Variants in FKBP5 observed in about 807,000 individuals in gnomAD.
FKBP5 encodes the protein peptidyl-prolyl cis-trans isomerase FKBP5.
FKBP5 carries 23 observed loss-of-function variants against 50.5 expected under a neutral mutation model. The observed-to-expected ratio is 0.46, with a 90% CI of 0.33 to 0.65. FKBP5 has a LOEUF of 0.65. Ranked by LOEUF, FKBP5 falls within the 30% of genes least tolerant of loss-of-function variation. FKBP5 has a pLI of 0.02. For synonymous variants in FKBP5, 176 were observed against 190.6 expected (o/e 0.92, Z 0.63); for missense variants, 411 against 553.1 (o/e 0.74, Z 2.58).
At chr6:35,585,247 TAAG>T (rs1398307277) in intron 8 of FKBP5, 1 of 979,772 alleles carries the variant, frequency 1.0e-6, no homozygotes, top group Non-Finnish European at 1.2e-6. Flanking sequence ...AAAATACTGT[TAAG>T]GACTCACGAT....
chr6:35,670,740 A>G lies in FKBP5; in HGVS notation c.-20+18064T>C, dbSNP rs1013146642. ...AAGCAAGACTCCATCTCAAAAAAAAAAAAGAAAGAAAAGAAAAGAAAAGAA... is the reference window on the plus strand; with the variant it reads ...AAGCAAGACTCCATCTCAAAAAAAAGAAAGAAAGAAAAGAAAAGAAAAGAA... On this transcript the variant is annotated intron_variant, in intron 1 of 10. Transcript: ENST00000357266. Among the ~76,000 whole-genome samples the G allele has an allele frequency of 2.5e-4, 38 of 151,562 alleles. No homozygotes were observed. In the Middle Eastern group the frequency reaches 0.01, roughly 41 times the overall value.
chr6:35,631,297 G>C (rs546071847), intron 3 of FKBP5, among the ~76,000 whole-genome samples: 14 of 152,256 alleles, frequency 9.2e-5, no homozygotes, highest in African/African-American at 3.1e-4. Context: ...GAATCCCAAA[G>C]TCATTATGTT....
intron 5 of FKBP5, among the ~76,000 whole-genome samples, chr6:35,611,225 A>G (rs3777747): frequency 0.45 from 67,613 of 151,918 alleles, 15,265 homozygotes; most frequent in East Asian, 0.61. Flanking sequence ...CCTTTCCAGC[A>G]CTATTATTGA....
intron 4 of FKBP5, among the ~76,000 whole-genome samples, chr6:35,619,915 A>C (rs1374924776): frequency 1.3e-5 from 2 of 152,082 alleles, no homozygotes; most frequent in Non-Finnish European, 2.9e-5. Context: ...GTTTATTTGG[A>C]TATGACCTTT....
chr6:35,689,596 A>C (rs1765943735), upstream of FKBP5, among the ~76,000 whole-genome samples: 1 of 152,076 alleles, frequency 6.6e-6, no homozygotes, highest in Admixed American at 6.6e-5. Context: ...TAATCCCAGC[A>C]CTTTGGAAGG....
intron 9 of FKBP5, 113 bp downstream of exon 9, chr6:35,579,923 A>T: frequency 1.2e-6 from 1 of 802,558 alleles, no homozygotes; most frequent in Non-Finnish European, 1.9e-6. Context: ...CAAATAAATA[A>T]AAAAAAGCAA....
chr6:35,667,698 T>C (rs1765269828), intron 1 of FKBP5, among the ~76,000 whole-genome samples: 1 of 152,170 alleles, frequency 6.6e-6, no homozygotes, highest in African/African-American at 2.4e-5. Flanking sequence ...CTGGCCAACA[T>C]GGTGAAACCC....
chr6:35,594,920 T>C (rs866880660), intron 6 of FKBP5, among the ~76,000 whole-genome samples: 12 of 152,264 alleles, frequency 7.9e-5, no homozygotes, highest in African/African-American at 1.4e-4. Context: ...ATCTGAAAGA[T>C]TGATCTCATG....
chr6:35,720,953 G>A (rs1234083271), intron 1 of FKBP5, among the ~76,000 whole-genome samples: 1 of 152,162 alleles, frequency 6.6e-6, no homozygotes, highest in Admixed American at 6.5e-5. Context: ...GCTTAAAGTG[G>A]TAAAGTGCTA....
At chr6:35,711,542 C>T (rs901790896) in intron 2 of FKBP5, among the ~76,000 whole-genome samples, 5 of 151,264 alleles carry the variant, frequency 3.3e-5, no homozygotes, top group South Asian at 4.2e-4. Flanking sequence ...TGCTCGAACC[C>T]GGGAGGTGAA....
intron 2 of FKBP5, among the ~76,000 whole-genome samples, chr6:35,638,062 T>A (rs990822516): frequency 5.3e-5 from 8 of 152,196 alleles, no homozygotes; most frequent in African/African-American, 1.7e-4. Context: ...TGTTTTCTAG[T>A]AAAGTATTTA....
intron 1 of FKBP5, among the ~76,000 whole-genome samples, chr6:35,643,815 A>G (rs1764557894): frequency 6.6e-6 from 1 of 152,142 alleles, no homozygotes; most frequent in Non-Finnish European, 1.5e-5. Flanking sequence ...GTTGTCTGTA[A>G]GAGATTCATA....
chr6:35,634,513 G>A (rs1320361698), intron 3 of FKBP5, among the ~76,000 whole-genome samples: 6 of 152,158 alleles, frequency 3.9e-5, no homozygotes, highest in Non-Finnish European at 7.3e-5. Flanking sequence ...ACAGCTGGAC[G>A]GGAAGCAGAA....
In FKBP5 at chr6:35,649,304, C is replaced by T. The variant is rs7749607; in HGVS notation, c.-19-6461G>A. 7.2e-3 allele frequency among the ~76,000 whole-genome samples: 1,066 copies of T among 147,434 alleles called. 12 individuals are homozygous for T. Among genetic ancestry groups the T allele is most frequent in the African/African-American group, 0.023 (920 of 40,450 alleles). ...AATAATGTTTTTTATTTTACATATT[C>T]TTATCGGATTGCTCATTTTCTTAGC... On this transcript the variant is annotated intron_variant, in intron 1 of 10. Transcript: ENST00000357266.
intron 3 of FKBP5, among the ~76,000 whole-genome samples, chr6:35,635,208 G>A (rs1206868413): frequency 2.6e-5 from 4 of 152,064 alleles, no homozygotes; most frequent in African/African-American, 7.2e-5. Context: ...GGTGGTGTAC[G>A]CCTGTAGTCC....
At position 35,597,266 on chromosome 6, in the gene FKBP5, AT is replaced by A. The variant is rs1347919311; in HGVS notation, c.646del (p.Ile216PhefsTer73). The A allele has an allele frequency of 2.5e-6, 4 of 1,613,912 alleles. No individual in the cohort carries two copies. The highest frequency in any genetic ancestry group is 3.4e-6 in the Non-Finnish European group (4 of 1,179,986). On this transcript the variant is annotated frameshift_variant, in exon 6 of 11. Coordinates refer to ENST00000357266, the MANE Select transcript of FKBP5 (RefSeq NM_004117.4). LOFTEE classifies it high-confidence loss of function. ...TGCTTACCTTGGTCCAAGATATAAAATACATTGTTCTTCCCGCTGCATTTTC... is the reference window on the plus strand; with the variant it reads ...TGCTTACCTTGGTCCAAGATATAAAAACATTGTTCTTCCCGCTGCATTTTC... ...LEKMQREEQC[I>X]LYLGPRYGFG...
At chr6:35,634,252 A>G (rs1459721665) in intron 3 of FKBP5, among the ~76,000 whole-genome samples, 2 of 152,042 alleles carry the variant, frequency 1.3e-5, no homozygotes, top group East Asian at 1.9e-4. Flanking sequence ...AAGGTCAGTC[A>G]CTCTTAGGTC....
intron 1 of FKBP5, among the ~76,000 whole-genome samples, chr6:35,652,965 A>G (rs1287966277): frequency 6.6e-6 from 1 of 152,116 alleles, no homozygotes; most frequent in Non-Finnish European, 1.5e-5. Flanking sequence ...ACGCTTAGGA[A>G]AATAGAAAAG....
chr6:35,685,395 T>C (rs909208661), intron 1 of FKBP5, among the ~76,000 whole-genome samples: 6 of 152,248 alleles, frequency 3.9e-5, no homozygotes, highest in Non-Finnish European at 8.8e-5. Flanking sequence ...TTTAATTTTC[T>C]TTATACTTTT....
Sources: allele counts gnomAD v4.1 joint callset (sites outside exome capture counted in the v4.1 genomes callset), GRCh38; gene constraint gnomAD v4.1.1; transcripts MANE v1.5; gene names NCBI Gene and HGNC (gene_info 2026-07-23, HGNC 2026-07-21).